The following POLG variants were observed in gnomAD, a reference collection of about 807,000 sequenced individuals.
POLG encodes the protein DNA polymerase subunit gamma-1.
POLG carries 110 observed loss-of-function variants against 155.4 expected under a neutral mutation model. The observed-to-expected ratio is 0.71, with a 90% CI of 0.61 to 0.83. The LOEUF is 0.83. POLG is among the 40% of genes least tolerant of loss of function. POLG has a pLI of 0.00. For missense variants in POLG, 1,685 were observed against 1,627.5 expected (o/e 1.04, Z -0.61); for synonymous variants, 701 against 631.5 (o/e 1.11, Z -1.65).
At chr15:89,319,594 T>C (rs1041439043) in intron 18 of POLG, among the ~76,000 whole-genome samples, 2 of 152,164 alleles carry the variant, frequency 1.3e-5, no homozygotes, top group African/African-American at 4.8e-5. Flanking sequence ...CACCCCATGG[T>C]AGCCCAATAA....
chr15:89,329,072 G>A lies in POLG; in HGVS notation c.894C>T (p.His298=). Residue 298 remains histidine, a synonymous_variant, in exon 4 of 23, where the codon CAC becomes CAT. Coordinates refer to ENST00000268124, the MANE Select transcript of POLG (RefSeq NM_002693.3). ...AGCTGCTTAGCCCTGAGATGGCCAT[G>A]TGCATGCTCATGGTGTCCAGGAAAC... is the stretch of plus-strand genomic sequence containing the variant. ...RMRFLDTMSM[H]MAISGLSSFQ... is the part of the protein sequence containing the mutation. 1 of 1,612,916 alleles carries A rather than the reference G, an allele frequency of 6.2e-7. No homozygotes were observed. Among genetic ancestry groups the A allele is most frequent in the Non-Finnish European group, 8.5e-7 (1 of 1,179,998 alleles).
chr15:89,330,722 T>C (rs988688474), intron 2 of POLG, among the ~76,000 whole-genome samples: 9 of 146,236 alleles, frequency 6.2e-5, no homozygotes, highest in African/African-American at 2.1e-4. Flanking sequence ...GGAGATTTAA[T>C]TGAATTGGCA....
intron 21 of POLG, 182 bp from the exon 22 acceptor site, chr15:89,317,718 C>G: frequency 1.5e-6 from 1 of 650,956 alleles, no homozygotes; most frequent in Non-Finnish European, 2.7e-6. Context: ...GCAGCCTAAC[C>G]TCCCACTGAG....
chr15:89,319,474 A>C, intron 18 of POLG, 124 bp from the exon 19 acceptor site: 1 of 1,321,378 alleles, frequency 7.6e-7, no homozygotes, highest in Non-Finnish European at 1.1e-6. Context: ...CAGTCCCCTA[A>C]AGGCTTTTAT....
rs2055426347 is a variant in POLG at position 89,323,399 on chromosome 15, C to G, written c.2265+5G>C. ...CCACAGGACAGGCCATGACCCAGGA[C>G]ACACCTTGTGAGGCAGCTTGAAAAA... On this transcript the variant is annotated splice_donor_5th_base_variant and intron_variant, in intron 13 of 22. Transcript: ENST00000268124. 1 of 1,593,152 alleles carries G rather than the reference C, an allele frequency of 6.3e-7. No individual in the cohort carries two copies. Among genetic ancestry groups the G allele is most frequent in the Non-Finnish European group, 8.6e-7 (1 of 1,160,932 alleles).
intron 3 of POLG, 93 bp downstream of exon 3, chr15:89,329,988 C>T (rs1376765738): frequency 1.3e-5 from 14 of 1,071,932 alleles, no homozygotes; most frequent in South Asian, 3.8e-5. Flanking sequence ...AACAGAGACA[C>T]GTGCCAGGAA....
In POLG at chr15:89,316,472, A is replaced by G; in HGVS notation, c.*279T>C. 1 of 1,604,156 alleles carries G rather than the reference A, an allele frequency of 6.2e-7. No individual in the cohort carries two copies. Among genetic ancestry groups the G allele is most frequent in the South Asian group, 1.1e-5 (1 of 89,566 alleles). ...AAGGAAAAAATAAATGAAATGCCTG[A>G]GTTAATGTGAACTTTGGGGCTTCTG... On this transcript the variant is annotated 3_prime_UTR_variant, in exon 23 of 23. Transcript: ENST00000268124.
At position 89,326,818 on chromosome 15, in the gene POLG, A is replaced by C. The variant is rs911724092; in HGVS notation, c.1586-80T>G. Reference sequence around the variant, plus strand: ...CTGCTCCCACCCGCTCATCTCCAGAAGGCTGGAGCAATCCTTTCGAAGGAC... The same window carrying C: ...CTGCTCCCACCCGCTCATCTCCAGACGGCTGGAGCAATCCTTTCGAAGGAC... On this transcript the variant is annotated intron_variant, in intron 8 of 22. Transcript: ENST00000268124. The C allele has an allele frequency of 4.4e-6, 7 of 1,607,380 alleles. No homozygotes were observed. The African/African-American group carries it at 6.7e-5, about 15-fold the overall frequency.
At chr15:89,332,816 A>C (rs1457829711) in intron 2 of POLG, among the ~76,000 whole-genome samples, 7 of 152,136 alleles carry the variant, frequency 4.6e-5, no homozygotes, top group Admixed American at 1.3e-4. Flanking sequence ...AATCACCGTG[A>C]TCTTAAGTGG....
chr15:89,326,562 T>A, intron 9 of POLG, 50 bp downstream of exon 9: 2 of 1,603,494 alleles, frequency 1.2e-6, no homozygotes, highest in Non-Finnish European at 1.7e-6. Context: ...GTCCTGAGAA[T>A]GGAGCAAGGG....
chr15:89,317,380 G>C lies in POLG; in HGVS notation c.3639C>G (p.Pro1213=), dbSNP rs756156336. 8.1e-6 allele frequency: 13 copies of C among 1,613,922 alleles called. No homozygotes were observed. Among genetic ancestry groups the C allele is most frequent in the Non-Finnish European group, 9.3e-6 (11 of 1,179,898 alleles). ...PTGMERRYGI[P]QGEALDIYQI... is the part of the protein sequence containing the mutation. ...GAACAAATGTGTTGTGCTCACCCTG[G>C]GGAATCCCGTATCTCCTTTCCATCC... The change falls in exon 22 of 23, where the codon CCC becomes CCG. Residue 1213 remains proline, a synonymous_variant. Coordinates refer to ENST00000268124, the MANE Select transcript of POLG (RefSeq NM_002693.3).
rs2055634307 is a variant in POLG at position 89,333,869 on chromosome 15, T to C, written c.-115A>G. 1.6e-6 allele frequency: 2 copies of C among 1,284,860 alleles called. No individual in the cohort carries two copies. Among genetic ancestry groups the C allele is most frequent in the Admixed American group, 4.1e-5 (2 of 49,170 alleles). 79.6% of individuals were successfully genotyped at this position (1,284,860 alleles called of 1,614,324 possible). A position where few individuals can be genotyped will look rare whatever the true frequency, so the allele number is the denominator to read the frequency against. ...GAGACACGTCCTGTCTCTGCTCTCCTGTCAGTGAAATGGGTTTGACCATGC... is the reference window on the plus strand; with the variant it reads ...GAGACACGTCCTGTCTCTGCTCTCCCGTCAGTGAAATGGGTTTGACCATGC... On this transcript the variant is annotated 5_prime_UTR_variant, in exon 2 of 23. Coordinates refer to ENST00000268124, the MANE Select transcript of POLG (RefSeq NM_002693.3).
At chr15:89,321,359 C>T (rs1310383134) in intron 16 of POLG, 99 bp from the exon 17 acceptor site, 3 of 1,395,476 alleles carry the variant, frequency 2.1e-6, no homozygotes, top group African/African-American at 2.8e-5. Context: ...GAGGGGATGG[C>T]TTTAGAGAAT....
intron 3 of POLG, 140 bp from the exon 4 acceptor site, chr15:89,329,250 C>T (rs533365563): frequency 2.8e-6 from 2 of 706,900 alleles, no homozygotes; most frequent in African/African-American, 3.5e-5. Flanking sequence ...CAGCCTTCAA[C>T]ACCAAATACA....
chr15:89,332,891 T>C (rs2055612805), intron 2 of POLG, among the ~76,000 whole-genome samples: 1 of 152,170 alleles, frequency 6.6e-6, no homozygotes, highest in Non-Finnish European at 1.5e-5. Context: ...CTGCCTGACA[T>C]TTACTTGGGT....
At chr15:89,325,221 AGAGAGT>A (rs2055488821) in intron 10 of POLG, among the ~76,000 whole-genome samples, 3 of 96,676 alleles carry the variant, frequency 3.1e-5, no homozygotes, top group South Asian at 3.4e-4. Context: ...TGAGTGAGTG[AGAGAGT>A]GAGTGAGAGA....
rs1270268790 is a variant in POLG, at chr15:89,325,499, G to A, written c.1900C>T (p.Leu634=). 5.6e-6 allele frequency: 9 copies of A among 1,609,738 alleles called. No homozygotes were observed. Among genetic ancestry groups the A allele is most frequent in the Non-Finnish European group, 7.6e-6 (9 of 1,179,970 alleles). Residue 634 remains leucine (L), a synonymous_variant, in exon 10 of 23, where the codon CTG becomes TTG. Coordinates refer to ENST00000268124, the MANE Select transcript of POLG (RefSeq NM_002693.3). The stretch of plus-strand genomic sequence containing the variant: ...GACTCCAGGGTGGTACCTGTCGGCA[G>A]CTTGGCCAGGTTGTCCCGCCGCCCA... ...VPGRRDNLAK[L]PTGTTLESAG...
At chr15:89,318,892 T>C (rs2055349713) in intron 20 of POLG, 39 bp downstream of exon 20, 1 of 1,611,954 alleles carries the variant, frequency 6.2e-7, no homozygotes, top group Admixed American at 1.7e-5. Flanking sequence ...CTGCCCTCCC[T>C]GGGGCCCCTC....
In POLG at chr15:89,327,218, T is replaced by G. The variant is rs764268953; in HGVS notation, c.1382A>C (p.Lys461Thr). The G allele has an allele frequency of 5.6e-6, 9 of 1,614,118 alleles. No individual in the cohort carries two copies. The African/African-American group carries it at 6.7e-5, about 12-fold the overall frequency. Reference sequence around the variant, plus strand: ...ATCATTGGCCAGATCCATCAACGACTTCTTCATCTCCCGCTGGAGCTCCTC... The same window carrying G: ...ATCATTGGCCAGATCCATCAACGACGTCTTCATCTCCCGCTGGAGCTCCTC... The part of the protein sequence containing the change: ...TYEELQREMK[K>T]SLMDLANDAC... The change falls in exon 7 of 23, where the codon AAG (lysine) becomes ACG (threonine). Residue 461 changes from lysine to threonine, a missense_variant. Coordinates refer to ENST00000268124, the MANE Select transcript of POLG (RefSeq NM_002693.3).
Sources: gnomAD v4.1 joint callset for allele counts (sites outside exome capture counted in the v4.1 genomes callset) on GRCh38, gnomAD v4.1.1 for gene constraint, MANE v1.5 for transcripts, NCBI Gene and HGNC (gene_info 2026-07-23, HGNC 2026-07-21) for gene names.